The following RAMP1 variants were observed in gnomAD, a reference collection of about 807,000 sequenced individuals.
The protein encoded by RAMP1 is receptor activity-modifying protein 1.
In RAMP1, 7 loss-of-function variants were observed where a neutral mutation model predicts 8.2. That is an observed-to-expected ratio of 0.85 (90% confidence interval 0.49 to 1.60). RAMP1 has a LOEUF of 1.60. RAMP1 is among the 40% of genes most tolerant of loss of function. RAMP1 has a pLI of 0.00. For synonymous variants in RAMP1, 92 were observed against 84.7 expected, an observed-to-expected ratio of 1.09 and a Z score of -0.47; for missense variants, 192 against 202.4, an observed-to-expected ratio of 0.95 and a Z score of 0.31.
intron 2 of RAMP1, among the ~76,000 whole-genome samples, chr2:237,888,829 C>T (rs1014132926): frequency 3.3e-5 from 5 of 152,066 alleles, no homozygotes; most frequent in East Asian, 1.9e-4. Flanking sequence ...TGGAGTGCAG[C>T]GGCACAATCT....
intron 2 of RAMP1, among the ~76,000 whole-genome samples, chr2:237,894,359 C>T (rs926583932): frequency 6.6e-6 from 1 of 152,224 alleles, no homozygotes; most frequent in Non-Finnish European, 1.5e-5. Flanking sequence ...CTAATGGACA[C>T]ATTAACTCAC....
chr2:237,864,988 A>G (rs2062172312), intron 1 of RAMP1, among the ~76,000 whole-genome samples: 1 of 152,200 alleles, frequency 6.6e-6, no homozygotes, highest in South Asian at 2.1e-4. Context: ...CTAAGCATTC[A>G]GATCTCATTC....
chr2:237,910,966 G>A (rs570051262), intron 2 of RAMP1, among the ~76,000 whole-genome samples: 1 of 151,562 alleles, frequency 6.6e-6, no homozygotes, highest in African/African-American at 2.4e-5. Context: ...GTCACACACA[G>A]TGAATAATAG....
Position 237,877,137 on chromosome 2 carries a change from C to G in RAMP1, c.53-87C>G. On this transcript the variant is annotated intron_variant, in intron 1 of 2. Coordinates refer to ENST00000254661, the MANE Select transcript of RAMP1 (RefSeq NM_005855.4). The surrounding 1 kb of genome is among the most constrained non-coding windows in gnomAD (Gnocchi z 4.4). Reference sequence around the variant, plus strand: ...CTTAGAGGCCCCGTTCTCGTGGAGTCCGGGCTGCAGGGGCGCGCGGGCTGG... The same window carrying G: ...CTTAGAGGCCCCGTTCTCGTGGAGTGCGGGCTGCAGGGGCGCGCGGGCTGG... The G allele has an allele frequency of 1.3e-6, 2 of 1,569,958 alleles. No homozygotes were observed. The highest frequency in any genetic ancestry group is 1.7e-6 in the Non-Finnish European group (2 of 1,150,084).
At chr2:237,860,190 G>A (rs1192020675) in intron 1 of RAMP1, among the ~76,000 whole-genome samples, 1 of 152,238 alleles carries the variant, frequency 6.6e-6, no homozygotes, top group Non-Finnish European at 1.5e-5. Flanking sequence ...CAGTGTTCGG[G>A]AATCAGAACC....
rs2062174991 is a variant in RAMP1 at position 237,865,248 on chromosome 2, C to CAGGGCAGGGGAGAAGAGAGGAGAGG, written c.52+5526_52+5550dup. On this transcript the variant is annotated intron_variant, in intron 1 of 2. Transcript: ENST00000254661. The surrounding 1 kb of genome is among the most constrained non-coding windows in gnomAD (Gnocchi z 4.2). ...AGAGCTCCTGGGGGAGTAGGGAGGG[C>CAGGGCAGGGGAGAAGAGAGGAGAGG]AGGGCAGGGGAGAAGAGAGGAGAGG... 7.2e-6 allele frequency among the ~76,000 whole-genome samples: 1 copy of CAGGGCAGGGGAGAAGAGAGGAGAGG among 138,520 alleles called. No homozygotes were observed. The highest frequency in any genetic ancestry group is 1.6e-5 in the Non-Finnish European group (1 of 64,506). The allele number at this position is 138,520 out of a possible 152,430, so 90.9% of individuals were successfully genotyped here.
intron 2 of RAMP1, among the ~76,000 whole-genome samples, chr2:237,892,344 A>C (rs1006301108): frequency 2.7e-5 from 4 of 145,460 alleles, no homozygotes; most frequent in Non-Finnish European, 6.0e-5. Context: ...CTGCAGCCTC[A>C]ACCTCCTGGG....
intron 1 of RAMP1, among the ~76,000 whole-genome samples, chr2:237,872,198 C>G (rs1488060060): frequency 6.6e-6 from 1 of 152,208 alleles, no homozygotes; most frequent in Non-Finnish European, 1.5e-5. Context: ...CAAGGAGGGC[C>G]TGGCACGGGG....
chr2:237,886,903 G>A (rs1239106248), intron 2 of RAMP1, among the ~76,000 whole-genome samples: 4 of 152,298 alleles, frequency 2.6e-5, no homozygotes, highest in South Asian at 2.1e-4. Flanking sequence ...GCGGGGGCTC[G>A]TCGTAGCTCA....
chr2:237,889,240 A>C (rs760376476), intron 2 of RAMP1, among the ~76,000 whole-genome samples: 1 of 152,194 alleles, frequency 6.6e-6, no homozygotes, highest in Non-Finnish European at 1.5e-5. Context: ...TGACCTCCGC[A>C]CAGCTGTAAC....
intron 2 of RAMP1, among the ~76,000 whole-genome samples, chr2:237,904,583 G>A (rs535614752): frequency 5.3e-5 from 8 of 152,268 alleles, no homozygotes; most frequent in East Asian, 1.9e-4. Flanking sequence ...ACTCCAGCCC[G>A]AGCAACAGAG....
intron 2 of RAMP1, among the ~76,000 whole-genome samples, chr2:237,906,892 T>C (rs1424947713): frequency 6.6e-6 from 1 of 151,990 alleles, no homozygotes; most frequent in Non-Finnish European, 1.5e-5. Flanking sequence ...CCAGCTAATT[T>C]TTGTATTTTT....
intron 2 of RAMP1, among the ~76,000 whole-genome samples, chr2:237,910,830 C>T (rs1395890191): frequency 6.7e-6 from 1 of 148,928 alleles, no homozygotes; most frequent in East Asian, 2.0e-4. Context: ...AATAGTCACA[C>T]AGTCACATGC....
chr2:237,890,899 A>G (rs1406571051), intron 2 of RAMP1, among the ~76,000 whole-genome samples: 2 of 152,202 alleles, frequency 1.3e-5, no homozygotes, highest in Admixed American at 1.3e-4. Flanking sequence ...TAGTCTTTAG[A>G]AAATAGGCCA....
intron 2 of RAMP1, among the ~76,000 whole-genome samples, chr2:237,882,025 C>T (rs1212644393): frequency 6.6e-6 from 1 of 152,180 alleles, no homozygotes; most frequent in Admixed American, 6.5e-5. Context: ...CTGGTTCCAT[C>T]GAAATCCTTG....
At chr2:237,883,358 T>C (rs1458032589) in intron 2 of RAMP1, among the ~76,000 whole-genome samples, 2 of 152,254 alleles carry the variant, frequency 1.3e-5, no homozygotes, top group South Asian at 2.1e-4. Context: ...CGGCCAGCCT[T>C]TTATGGGATA....
chr2:237,911,673 G>A lies in RAMP1; in HGVS notation c.337G>A (p.Asp113Asn), dbSNP rs372253605. ...CCCCATCTCAGGCAGGGCCGTGCGG[G>A]ACCCGCCCGGCAGCATCCTCTACCC... ...SCPISGRAVR[D>N]PPGSILYPFI... The change falls in exon 3 of 3, where the codon GAC becomes AAC. Residue 113 changes from aspartate (D) to asparagine (N), a missense_variant. Transcript: ENST00000254661. 50 of 1,613,434 alleles carry A rather than the reference G, an allele frequency of 3.1e-5. No individual in the cohort carries two copies. Among genetic ancestry groups the A allele is most frequent in the Non-Finnish European group, 4.2e-5 (49 of 1,179,470 alleles).
At chr2:237,864,041 C>A (rs2062158633) in intron 1 of RAMP1, among the ~76,000 whole-genome samples, 1 of 152,036 alleles carries the variant, frequency 6.6e-6, no homozygotes, top group South Asian at 2.1e-4. Context: ...GTGTCACCCC[C>A]ACACATGCCA....
At chr2:237,876,440 G>A (rs2062304329) in intron 1 of RAMP1, among the ~76,000 whole-genome samples, 1 of 152,164 alleles carries the variant, frequency 6.6e-6, no homozygotes, top group African/African-American at 2.4e-5. Context: ...GGTGGGGCTG[G>A]GGGTCCCCCC....
Sources: allele counts gnomAD v4.1 joint callset (sites outside exome capture counted in the v4.1 genomes callset), GRCh38; gene constraint gnomAD v4.1.1; non-coding constraint Gnocchi (gnomAD v3.1); transcripts MANE v1.5; gene names NCBI Gene and HGNC (gene_info 2026-07-23, HGNC 2026-07-21).